Variants in WARS2 observed in about 807,000 individuals in gnomAD.
WARS2 encodes the protein tryptophanyl tRNA synthetase 2, mitochondrial, also known as tryptophan--tRNA ligase, mitochondrial.
WARS2 carries 28 observed loss-of-function variants against 36.5 expected under a neutral mutation model. The ratio of observed to expected loss-of-function variants is 0.77; its 90% CI spans 0.57 to 1.05. The LOEUF (loss-of-function observed/expected upper bound fraction) is 1.05. Ranked by LOEUF, WARS2 falls within the 50% of genes least tolerant of loss-of-function variation. The pLI is 0.00. For synonymous variants in WARS2, 174 were observed against 178.4 expected (o/e 0.98, Z 0.20); for missense variants, 435 against 456.8 (o/e 0.95, Z 0.44).
At chr1:119,080,637 G>A (rs1557966790) in intron 1 of WARS2, among the ~76,000 whole-genome samples, 2 of 152,226 alleles carry the variant, frequency 1.3e-5, no homozygotes, top group Non-Finnish European at 2.9e-5. Flanking sequence ...CTTCTGCAGT[G>A]AGTTTATGTT....
At chr1:119,066,934 G>A (rs985014613) in intron 2 of WARS2, among the ~76,000 whole-genome samples, 7 of 152,144 alleles carry the variant, frequency 4.6e-5, no homozygotes, top group African/African-American at 1.7e-4. Flanking sequence ...ACAAAAGGCA[G>A]ACAAAAGTAT....
intron 1 of WARS2, among the ~76,000 whole-genome samples, chr1:119,139,328 T>TA (rs1023121079): frequency 6.6e-6 from 1 of 152,174 alleles, no homozygotes; most frequent in Non-Finnish European, 1.5e-5. Flanking sequence ...CTCACATTAA[T>TA]AAAAAACGGA....
chr1:119,076,391 C>A lies in WARS2; in HGVS notation c.307G>T (p.Gly103Cys). ...LDMTAVLLAC[G>C]INPEKSILFQ... ...AGGATGCTTTTTTCCGGGTTTATGC[C>A]ACAGGCAAGAAGAACAGCAGTCATG... The change falls in exon 2 of 6, where the codon GGC becomes TGC. Residue 103 changes from glycine to cysteine, a missense_variant. Gly to Cys is a radical substitution (Grantham distance 159, BLOSUM62 -3). Transcript: ENST00000235521. 1 of 1,614,078 alleles carries A rather than the reference C, an allele frequency of 6.2e-7. No individual in the cohort carries two copies. Among genetic ancestry groups the A allele is most frequent in the Non-Finnish European group, 8.5e-7 (1 of 1,180,014 alleles).
chr1:119,033,498 A>T (rs1647621958), intron 5 of WARS2, 139 bp from the exon 6 acceptor site: 3 of 1,041,652 alleles, frequency 2.9e-6, no homozygotes, highest in Non-Finnish European at 4.3e-6. Flanking sequence ...CAAATGTGAT[A>T]TCCATTCAGT....
At chr1:119,133,441 G>T (rs1055194123) in intron 1 of WARS2, among the ~76,000 whole-genome samples, 1 of 152,172 alleles carries the variant, frequency 6.6e-6, no homozygotes, top group African/African-American at 2.4e-5. Flanking sequence ...TAGTGCACAG[G>T]GTTTGGAATC....
chr1:119,068,839 T>TCTCTCA (rs1557957769), intron 2 of WARS2, among the ~76,000 whole-genome samples: 13 of 133,962 alleles, frequency 9.7e-5, no homozygotes, highest in South Asian at 9.2e-4. Context: ...TCTCTCTCTC[T>TCTCTCA]CACACACACA....
At chr1:119,118,270 G>A (rs1655104164) in intron 1 of WARS2, among the ~76,000 whole-genome samples, 1 of 151,882 alleles carries the variant, frequency 6.6e-6, no homozygotes. Flanking sequence ...GACACATTTA[G>A]AGAAAAGCAA....
At chr1:119,106,568 G>A (rs772586644) in intron 1 of WARS2, among the ~76,000 whole-genome samples, 1 of 152,122 alleles carries the variant, frequency 6.6e-6, no homozygotes, top group Non-Finnish European at 1.5e-5. Context: ...CATAAAATAT[G>A]TAGCGTTTTC....
intron 2 of WARS2, among the ~76,000 whole-genome samples, chr1:119,059,578 G>A (rs867119734): frequency 5.9e-5 from 9 of 152,130 alleles, no homozygotes; most frequent in Middle Eastern, 3.2e-3. Flanking sequence ...TATTATAGCT[G>A]TATAATAAGC....
intron 1 of WARS2, among the ~76,000 whole-genome samples, chr1:119,110,481 A>C (rs1654550047): frequency 6.6e-6 from 1 of 152,078 alleles, no homozygotes; most frequent in Non-Finnish European, 1.5e-5. Context: ...TGGATTCTGA[A>C]GAGAAGTCAA....
chr1:119,093,710 G>T (rs1287084028), intron 1 of WARS2, among the ~76,000 whole-genome samples: 1 of 152,168 alleles, frequency 6.6e-6, no homozygotes, highest in African/African-American at 2.4e-5. Context: ...CTCCAGAACT[G>T]TGAAAGAATA....
At chr1:119,066,740 A>G (rs1650908328) in intron 2 of WARS2, among the ~76,000 whole-genome samples, 1 of 152,154 alleles carries the variant, frequency 6.6e-6, no homozygotes, top group South Asian at 2.1e-4. Context: ...GCCAAAAGTA[A>G]TATGTCTAAT....
intron 1 of WARS2, among the ~76,000 whole-genome samples, chr1:119,120,201 T>C (rs1192205826): frequency 2.6e-5 from 4 of 151,864 alleles, no homozygotes; most frequent in Non-Finnish European, 5.9e-5. Context: ...ATAAGCTCAA[T>C]TAGAAATGAA....
chr1:119,054,284 T>C (rs1649598249), intron 2 of WARS2, among the ~76,000 whole-genome samples: 1 of 151,752 alleles, frequency 6.6e-6, no homozygotes, highest in Admixed American at 6.6e-5. Flanking sequence ...CCAACAAACA[T>C]ATGAAAGAGA....
rs758600141 is a variant in WARS2 at position 119,140,635 on chromosome 1, G to A, written c.10C>T (p.His4Tyr). ...CGCTCACGCGCTTTCCGCATTGAGTGCAGCGCCATCTTGAGAAGGGCGGAG... is the reference window on the plus strand; with the variant it reads ...CGCTCACGCGCTTTCCGCATTGAGTACAGCGCCATCTTGAGAAGGGCGGAG... MAL[H>Y]SMRKARERWS... The change falls in exon 1 of 6, where the codon CAC becomes TAC. Residue 4 changes from histidine to tyrosine, a missense_variant. Transcript: ENST00000235521. The A allele has an allele frequency of 6.2e-7, 1 of 1,612,942 alleles. No homozygotes were observed. Among genetic ancestry groups the A allele is most frequent in the African/African-American group, 1.3e-5 (1 of 75,024 alleles).
intron 2 of WARS2, among the ~76,000 whole-genome samples, chr1:119,059,139 C>G (rs1430061369): frequency 6.6e-6 from 1 of 151,248 alleles, no homozygotes; most frequent in East Asian, 1.9e-4. Flanking sequence ...GTCCTTCGCC[C>G]ACTTTTTGAT....
In WARS2 at chr1:119,033,112, G is replaced by C; in HGVS notation, c.882C>G (p.Ser294Arg). Reference protein sequence around the residue: ...GLSVEEVVRRSAGMNTARYKL... With the variant: ...GLSVEEVVRRRAGMNTARYKL... Reference sequence around the variant, plus strand: ...TGTAGCGAGCAGTGTTCATGCCCGCGCTGCGGCGCACCACTTCCTCCACGG... The same window carrying C: ...TGTAGCGAGCAGTGTTCATGCCCGCCCTGCGGCGCACCACTTCCTCCACGG... Residue 294 changes from serine to arginine, a missense_variant, in exon 6 of 6, where the codon AGC becomes AGG. By Grantham distance (110) the Ser-to-Arg change is moderately radical (BLOSUM62 -1). Coordinates refer to ENST00000235521, the MANE Select transcript of WARS2 (RefSeq NM_015836.4). 6.2e-7 allele frequency: 1 copy of C among 1,614,156 alleles called. No homozygotes were observed. The highest frequency in any genetic ancestry group is 8.5e-7 in the Non-Finnish European group (1 of 1,180,048).
chr1:119,074,030 G>A (rs1205339483), intron 2 of WARS2, among the ~76,000 whole-genome samples: 2 of 152,184 alleles, frequency 1.3e-5, no homozygotes, highest in African/African-American at 4.8e-5. Flanking sequence ...ATAGGTACTC[G>A]TGGCTGGGAA....
intron 2 of WARS2, among the ~76,000 whole-genome samples, chr1:119,048,146 G>C (rs1188715679): frequency 6.6e-6 from 1 of 152,236 alleles, no homozygotes; most frequent in Non-Finnish European, 1.5e-5. Flanking sequence ...GTAAATTGCA[G>C]TGGGCTGACG....
Sources: gnomAD v4.1 joint callset for allele counts (sites outside exome capture counted in the v4.1 genomes callset) on GRCh38, gnomAD v4.1.1 for gene constraint, MANE v1.5 for transcripts, NCBI Gene and HGNC (gene_info 2026-07-23, HGNC 2026-07-21) for gene names.